The following PLD5 variants were observed in gnomAD, a reference collection of about 807,000 sequenced individuals.
PLD5 encodes phospholipase D family member 5.
In PLD5, 36 loss-of-function variants were observed where a neutral mutation model predicts 61.1. The ratio of observed to expected loss-of-function variants is 0.59; its 90% CI spans 0.45 to 0.78. The LOEUF (loss-of-function observed/expected upper bound fraction) is 0.78. Ranked by LOEUF, PLD5 falls within the 30% of genes least tolerant of loss-of-function variation. The pLI, the probability that PLD5 is intolerant of heterozygous loss-of-function variation, is 0.00. For synonymous variants in PLD5, 243 were observed against 242.8 expected, an observed-to-expected ratio of 1.00 and a Z score of -0.01; for missense variants, 515 against 644.4, an observed-to-expected ratio of 0.80 and a Z score of 2.17.
chr1:242,215,183 C>T (rs1435955452), intron 5 of PLD5, among the ~76,000 whole-genome samples: 3 of 149,100 alleles, frequency 2.0e-5, no homozygotes, highest in East Asian at 3.9e-4. Flanking sequence ...CCACCGTGCC[C>T]AGCCTATACA....
rs908380871 is a variant in PLD5, at chr1:242,256,542, C to G, written c.607+8795G>C. Among the ~76,000 whole-genome samples the G allele has an allele frequency of 1.3e-5, 2 of 152,140 alleles. No individual in the cohort carries two copies. The highest frequency in any genetic ancestry group is 2.9e-5 in the Non-Finnish European group (2 of 68,034). On this transcript the variant is annotated intron_variant, in intron 4 of 9. Transcript: ENST00000536534. The surrounding 1 kb of genome is among the most constrained non-coding windows in gnomAD (Gnocchi z 5.7). ...TTGTGCCCTTCTGTCTTATCCGCCA[C>G]GTGAGGACACAGCGTTTGTTCCCTC...
intron 5 of PLD5, among the ~76,000 whole-genome samples, chr1:242,179,498 T>G (rs1159512391): frequency 6.6e-6 from 1 of 152,184 alleles, no homozygotes; most frequent in Admixed American, 6.5e-5. Context: ...TGTGCTGCTG[T>G]GAAGATATTC....
At chr1:242,292,255 AC>A (rs771820422) in intron 2 of PLD5, among the ~76,000 whole-genome samples, 71 of 152,334 alleles carry the variant, frequency 4.7e-4, no homozygotes, top group Non-Finnish European at 3.2e-4. Flanking sequence ...ATTTAAAAAA[AC>A]AATCCAATAA....
chr1:242,438,475 A>C (rs1467645021), intron 1 of PLD5, among the ~76,000 whole-genome samples: 33 of 103,894 alleles, frequency 3.2e-4, no homozygotes, highest in East Asian at 5.8e-4. Flanking sequence ...ATGGAGTTTC[A>C]CTCTTGTCAC....
intron 5 of PLD5, among the ~76,000 whole-genome samples, chr1:242,163,441 C>G (rs568301043): frequency 2.5e-4 from 38 of 152,278 alleles, no homozygotes; most frequent in African/African-American, 9.1e-4. Context: ...CTGCACCCAG[C>G]TTCCCTCAAG....
At chr1:242,426,194 T>A (rs1329130718) in intron 1 of PLD5, among the ~76,000 whole-genome samples, 5 of 151,236 alleles carry the variant, frequency 3.3e-5, no homozygotes, top group African/African-American at 1.2e-4. Context: ...CACCTCCACA[T>A]CTTATCCCAC....
chr1:242,193,234 G>A (rs1363508260), intron 5 of PLD5, among the ~76,000 whole-genome samples: 1 of 152,172 alleles, frequency 6.6e-6, no homozygotes, highest in African/African-American at 2.4e-5. Flanking sequence ...TGTCTGGCAT[G>A]CTATAGATAA....
chr1:242,279,637 G>A (rs1246155072), intron 3 of PLD5, among the ~76,000 whole-genome samples: 6 of 151,874 alleles, frequency 4.0e-5, no homozygotes, highest in Non-Finnish European at 5.9e-5. Context: ...GGGTTCAAGC[G>A]ATTCCCCCGC....
chr1:242,345,712 G>A (rs1368297434), intron 2 of PLD5: 4 of 710,210 alleles, frequency 5.6e-6, no homozygotes, highest in Non-Finnish European at 1.0e-5. Flanking sequence ...AAGAGCTTGT[G>A]GAAGATCAAA....
chr1:242,301,849 C>G (rs576604988), intron 2 of PLD5, among the ~76,000 whole-genome samples: 23 of 151,434 alleles, frequency 1.5e-4, no homozygotes, highest in Admixed American at 4.0e-4. Context: ...GAGATCTTGG[C>G]TCACTGCAAC....
rs142946821 is a variant in PLD5 at position 242,360,728 on chromosome 1, C to T, written c.190-12486G>A. The stretch of plus-strand genomic sequence containing the variant: ...TAAATTTTTGCATAATATTCTAATA[C>T]GTGGTCATATCATCATCTCCTTTAA... On this transcript the variant is annotated intron_variant, in intron 1 of 9. Coordinates refer to ENST00000536534, the MANE Select transcript of PLD5 (RefSeq NM_001372062.1). Among the ~76,000 whole-genome samples, 729 of 152,170 alleles carry T rather than the reference C, an allele frequency of 4.8e-3. 8 individuals are homozygous for T. Among genetic ancestry groups the T allele is most frequent in the African/African-American group, 0.014 (591 of 41,542 alleles).
intron 1 of PLD5, among the ~76,000 whole-genome samples, chr1:242,454,021 A>G (rs1666867816): frequency 6.6e-6 from 1 of 152,140 alleles, no homozygotes; most frequent in Non-Finnish European, 1.5e-5. Flanking sequence ...TCACATGGAC[A>G]AGATGATACT....
chr1:242,154,834 T>C (rs950011032), intron 5 of PLD5, among the ~76,000 whole-genome samples: 3 of 152,194 alleles, frequency 2.0e-5, no homozygotes, highest in Non-Finnish European at 4.4e-5. Context: ...TGTCAGGTTT[T>C]GGTATAAGGA....
At chr1:242,447,631 A>G (rs1219869689) in intron 1 of PLD5, among the ~76,000 whole-genome samples, 1 of 152,228 alleles carries the variant, frequency 6.6e-6, no homozygotes, top group Non-Finnish European at 1.5e-5. Context: ...AACCTTTTAA[A>G]CAGTACTTAA....
chr1:242,228,055 CAAAATGG>C (rs1293131477), intron 4 of PLD5, among the ~76,000 whole-genome samples: 2 of 152,088 alleles, frequency 1.3e-5, no homozygotes, highest in African/African-American at 4.8e-5. Flanking sequence ...CTAGTGTTAT[CAAAATGG>C]AATATTAGAT....
chr1:242,359,145 C>A (rs1428136427), intron 1 of PLD5, among the ~76,000 whole-genome samples: 6 of 152,030 alleles, frequency 3.9e-5, no homozygotes, highest in Non-Finnish European at 8.8e-5. Context: ...ACCCACTGGT[C>A]TCCGTGGGTT....
chr1:242,341,311 G>A (rs1321349078), intron 2 of PLD5, among the ~76,000 whole-genome samples: 1 of 151,988 alleles, frequency 6.6e-6, no homozygotes, highest in African/African-American at 2.4e-5. Flanking sequence ...GGAGGTAATT[G>A]TCAACACATA....
At chr1:242,271,448 C>T (rs1269702878) in intron 3 of PLD5, among the ~76,000 whole-genome samples, 2 of 152,158 alleles carry the variant, frequency 1.3e-5, no homozygotes, top group Non-Finnish European at 2.9e-5. Flanking sequence ...GAGCTATATT[C>T]TGTAAAATTA....
intron 3 of PLD5, among the ~76,000 whole-genome samples, chr1:242,267,195 A>AGGAAAGGGAAAG (rs201490435): frequency 0.011 from 1,427 of 128,448 alleles, 26 homozygotes; most frequent in Admixed American, 0.051. Flanking sequence ...GAAAAGGAAA[A>AGGAAAGGGAAAG]GGAAAGGGAA....
Sources: gnomAD v4.1 joint callset for allele counts (sites outside exome capture counted in the v4.1 genomes callset) on GRCh38, gnomAD v4.1.1 for gene constraint, Gnocchi (gnomAD v3.1) non-coding constraint, MANE v1.5 for transcripts, NCBI Gene and HGNC (gene_info 2026-07-23, HGNC 2026-07-21) for gene names.